KIF26B: variants seen among roughly 807,000 people sequenced by gnomAD.
KIF26B encodes kinesin-like protein KIF26B.
In KIF26B, 63 loss-of-function variants were observed where a neutral mutation model predicts 151.2. That is an observed-to-expected ratio of 0.42 (90% CI 0.34 to 0.51). The LOEUF (loss-of-function observed/expected upper bound fraction) is 0.51, where lower values mean the gene tolerates loss of function less well. KIF26B is among the 20% of genes least tolerant of loss of function. The pLI, the probability that KIF26B is intolerant of heterozygous loss-of-function variation, is 0.07. For synonymous variants in KIF26B, 1,357 were observed against 1,262.1 expected, an observed-to-expected ratio of 1.08 and a Z score of -1.59; for missense variants, 2,813 against 2,913.6, an observed-to-expected ratio of 0.97 and a Z score of 0.79.
chr1:245,178,393 C>A (rs1230052595), intron 2 of KIF26B, among the ~76,000 whole-genome samples: 1 of 151,868 alleles, frequency 6.6e-6, no homozygotes, highest in Non-Finnish European at 1.5e-5. Flanking sequence ...CTTCAGTGAT[C>A]CATTCTTGAG....
At chr1:245,303,393 T>C (rs1050140530) in intron 2 of KIF26B, among the ~76,000 whole-genome samples, 1 of 150,530 alleles carries the variant, frequency 6.6e-6, no homozygotes, top group Non-Finnish European at 1.5e-5. Context: ...AGAGACGGGG[T>C]TTCACCGTGT....
At chr1:245,483,991 A>T (rs1660223426) in intron 4 of KIF26B, among the ~76,000 whole-genome samples, 1 of 151,656 alleles carries the variant, frequency 6.6e-6, no homozygotes, top group Non-Finnish European at 1.5e-5. Flanking sequence ...TAGTTTCCTC[A>T]TTCCACATTT....
At chr1:245,484,729 T>C (rs1466750088) in intron 4 of KIF26B, among the ~76,000 whole-genome samples, 3 of 148,324 alleles carry the variant, frequency 2.0e-5, no homozygotes, top group Non-Finnish European at 4.5e-5. Flanking sequence ...TCTTTCCTCC[T>C]CCTCCTTCTC....
intron 5 of KIF26B, among the ~76,000 whole-genome samples, chr1:245,541,783 A>T (rs55811242): frequency 0.026 from 3,904 of 152,206 alleles, 177 homozygotes; most frequent in African/African-American, 0.09. Flanking sequence ...GAAGCTCCGG[A>T]GCAACTACTA....
intron 2 of KIF26B, among the ~76,000 whole-genome samples, chr1:245,190,629 G>GTTTTTTTTTTTTTTTTTTT (rs768099890): frequency 5.0e-5 from 4 of 80,076 alleles, no homozygotes; most frequent in African/African-American, 1.7e-4. Flanking sequence ...TTCCCTGAAT[G>GTTTTTTTTTTTTTTTTTTT]TTTTGTTTTG....
chr1:245,159,445 C>G (rs1437460735), intron 2 of KIF26B, among the ~76,000 whole-genome samples: 1 of 151,868 alleles, frequency 6.6e-6, no homozygotes, highest in Non-Finnish European at 1.5e-5. Context: ...CTATTAATAT[C>G]CTAAGGAAAA....
At chr1:245,261,012 CTCCTTCCT>C (rs1670625519) in intron 2 of KIF26B, among the ~76,000 whole-genome samples, 3 of 150,440 alleles carry the variant, frequency 2.0e-5, no homozygotes, top group South Asian at 4.2e-4. Flanking sequence ...CCTTCCTTCC[CTCCTTCCT>C]TCCTCTCTGT....
At chr1:245,671,033 ACT>A (rs1558261743) in intron 10 of KIF26B, among the ~76,000 whole-genome samples, 1 of 151,792 alleles carries the variant, frequency 6.6e-6, no homozygotes, top group African/African-American at 2.4e-5. Flanking sequence ...CCATCCTTCT[ACT>A]CTCTATGCCC....
Position 245,698,095 on chromosome 1 carries a change from C to A in KIF26B, c.5825-11C>A, listed in dbSNP as rs753028910. 6 of 1,609,006 alleles carry A rather than the reference C, an allele frequency of 3.7e-6. No homozygotes were observed. The highest frequency in any genetic ancestry group is 5.1e-6 in the Non-Finnish European group (6 of 1,177,138). On this transcript the variant is annotated splice_polypyrimidine_tract_variant and intron_variant, in intron 12 of 14. Transcript: ENST00000407071. This position sits in a 1 kb window ranked among gnomAD's most constrained non-coding sequence, Gnocchi z 4.0. The stretch of plus-strand genomic sequence containing the variant: ...GAAAGACTAACTCTCTGGGCTTATC[C>A]CCCTCCTCAGGTTCTCAGAGACGGA...
intron 9 of KIF26B, among the ~76,000 whole-genome samples, chr1:245,622,975 A>G (rs1320975507): frequency 6.7e-6 from 1 of 149,080 alleles, no homozygotes; most frequent in Non-Finnish European, 1.5e-5. Flanking sequence ...TCTTGCAGTC[A>G]GTCTGTGGTT....
intron 2 of KIF26B, among the ~76,000 whole-genome samples, chr1:245,160,166 G>T (rs1270879541): frequency 6.6e-6 from 1 of 152,200 alleles, no homozygotes; most frequent in Admixed American, 6.5e-5. Flanking sequence ...CTTACCTGGT[G>T]AGTAGACGTT....
At chr1:245,661,659 G>GAC (rs1017683241) in intron 10 of KIF26B, among the ~76,000 whole-genome samples, 1 of 134,900 alleles carries the variant, frequency 7.4e-6, no homozygotes, top group Non-Finnish European at 1.6e-5. Flanking sequence ...GTTATATATA[G>GAC]ACACACACAC....
At chr1:245,295,864 A>T (rs139900469) in intron 2 of KIF26B, among the ~76,000 whole-genome samples, 3 of 152,242 alleles carry the variant, frequency 2.0e-5, no homozygotes, top group Non-Finnish European at 2.9e-5. Context: ...ATTTGCCTTG[A>T]CTTGATGGCC....
intron 12 of KIF26B, among the ~76,000 whole-genome samples, chr1:245,695,481 C>T (rs185956231): frequency 2.6e-5 from 4 of 152,264 alleles, no homozygotes; most frequent in East Asian, 1.9e-4. Context: ...AATCCATTCA[C>T]GGGATTGAGG....
intron 9 of KIF26B, among the ~76,000 whole-genome samples, chr1:245,620,649 G>A (rs1324999597): frequency 6.6e-5 from 10 of 152,106 alleles, no homozygotes; most frequent in Admixed American, 5.9e-4. Context: ...CGATCCACCT[G>A]CCTTGGCCTC....
intron 9 of KIF26B, among the ~76,000 whole-genome samples, chr1:245,624,732 GTTTT>G (rs1035734737): frequency 8.5e-5 from 13 of 152,102 alleles, no homozygotes; most frequent in African/African-American, 2.9e-4. Flanking sequence ...ACAAATACTT[GTTTT>G]TTTATGAAGT....
chr1:245,454,095 C>T (rs1659458759), intron 4 of KIF26B, among the ~76,000 whole-genome samples: 1 of 152,102 alleles, frequency 6.6e-6, no homozygotes, highest in Non-Finnish European at 1.5e-5. Flanking sequence ...TCAGCCCACT[C>T]AATATTTGAA....
intron 12 of KIF26B, among the ~76,000 whole-genome samples, chr1:245,689,437 C>T (rs1410048149): frequency 3.3e-5 from 5 of 152,244 alleles, no homozygotes; most frequent in African/African-American, 9.6e-5. Context: ...CCTTCCTCCA[C>T]CTCCACCCCA....
chr1:245,207,479 G>A lies in KIF26B; in HGVS notation c.465+50796G>A, dbSNP rs959374984. Among the ~76,000 whole-genome samples the A allele has an allele frequency of 2.0e-5, 3 of 152,194 alleles. No homozygotes were observed. The South Asian group carries it at 6.2e-4, about 31-fold the overall frequency. ...GTAAATTACAGAGTGAGTAGCAGACGTGGGCTCTGTAGATAAGGACTTACA... is the reference window on the plus strand; with the variant it reads ...GTAAATTACAGAGTGAGTAGCAGACATGGGCTCTGTAGATAAGGACTTACA... On this transcript the variant is annotated intron_variant, in intron 2 of 14. Coordinates refer to ENST00000407071, the MANE Select transcript of KIF26B (RefSeq NM_018012.4).
Sources: gnomAD v4.1 joint callset for allele counts (sites outside exome capture counted in the v4.1 genomes callset) on GRCh38, gnomAD v4.1.1 for gene constraint, Gnocchi (gnomAD v3.1) non-coding constraint, MANE v1.5 for transcripts, NCBI Gene and HGNC (gene_info 2026-07-23, HGNC 2026-07-21) for gene names.